CDHR3: variants seen among roughly 807,000 people sequenced by gnomAD.
CDHR3 encodes the protein cadherin-related family member 3.
A neutral mutation model predicts 86.6 loss-of-function variants in CDHR3; 79 were observed. That is an observed-to-expected ratio of 0.91 (90% CI 0.76 to 1.10). The LOEUF is 1.10. CDHR3 is among the 50% of genes least tolerant of loss of function. The probability of loss-of-function intolerance (pLI) is 0.00; values close to 1 mark genes in which losing one functional copy is unlikely to be tolerated. For synonymous variants in CDHR3, 421 were observed against 402.4 expected (o/e 1.05, Z -0.55); for missense variants, 1,081 against 1,077.6 (o/e 1.00, Z -0.04).
At chr7:106,020,832 A>G (rs964022401) in intron 13 of CDHR3, among the ~76,000 whole-genome samples, 20 of 152,156 alleles carry the variant, frequency 1.3e-4, no homozygotes, top group African/African-American at 4.6e-4. Context: ...CACAAAATCT[A>G]GCAGCCCCTA....
intron 14 of CDHR3, 89 bp from the exon 15 acceptor site, chr7:106,024,290 AAG>A: frequency 8.9e-7 from 1 of 1,120,788 alleles, no homozygotes; most frequent in Non-Finnish European, 1.3e-6. Context: ...AACAATAACA[AAG>A]AGTGGAATAA....
intron 11 of CDHR3, 31 bp from the exon 12 acceptor site, chr7:106,017,814 CA>C (rs1395530738): frequency 6.6e-7 from 1 of 1,514,136 alleles, no homozygotes; most frequent in Non-Finnish European, 9.0e-7. Context: ...CCCTTAAAAG[CA>C]GGACTTATTG....
At chr7:106,013,370 A>G (rs774636390) in intron 9 of CDHR3, among the ~76,000 whole-genome samples, 1 of 152,138 alleles carries the variant, frequency 6.6e-6, no homozygotes, top group Non-Finnish European at 1.5e-5. Flanking sequence ...TTCCCGGCCC[A>G]TAGAGCTGTG....
At chr7:106,028,928 C>CTTTCTTTT (rs774560321) in intron 17 of CDHR3, among the ~76,000 whole-genome samples, 1 of 109,836 alleles carries the variant, frequency 9.1e-6, no homozygotes, top group African/African-American at 3.7e-5. Flanking sequence ...TTCTTTCTTT[C>CTTTCTTTT]TTTCTTTCTT....
intron 2 of CDHR3, among the ~76,000 whole-genome samples, chr7:105,977,688 C>A (rs917612743): frequency 1.3e-5 from 2 of 152,212 alleles, no homozygotes; most frequent in African/African-American, 4.8e-5. Context: ...CTCCTGCAGC[C>A]TTCCAGACAT....
intron 2 of CDHR3, among the ~76,000 whole-genome samples, chr7:105,980,476 G>A (rs970932150): frequency 1.2e-4 from 18 of 151,428 alleles, no homozygotes; most frequent in Non-Finnish European, 1.9e-4. Flanking sequence ...ACAACGTGCA[G>A]GTTTGTTACA....
chr7:106,004,611 G>A lies in CDHR3; in HGVS notation c.976G>A (p.Glu326Lys). The A allele has an allele frequency of 1.2e-6, 2 of 1,614,016 alleles. No individual in the cohort carries two copies. Among genetic ancestry groups the A allele is most frequent in the South Asian group, 1.1e-5 (1 of 91,078 alleles). The change falls in exon 8 of 19, where the codon GAG becomes AAG. Residue 326 changes from glutamate (E) to lysine (K), a missense_variant. Coordinates refer to ENST00000317716, the MANE Select transcript of CDHR3 (RefSeq NM_152750.5). ...LVKDRPYGGQENRIQITFIVE... is the reference protein window; with the variant it reads ...LVKDRPYGGQKNRIQITFIVE... ...GAAGGACAGACCATATGGGGGTCAG[G>A]AGAATCGCATCCAGATAACCTTCAT...
intron 7 of CDHR3, among the ~76,000 whole-genome samples, chr7:106,003,621 G>A (rs563717357): frequency 2.6e-5 from 4 of 152,148 alleles, no homozygotes; most frequent in African/African-American, 9.6e-5. Context: ...CTGATTCCTC[G>A]GGCCTGTCCT....
intron 8 of CDHR3, among the ~76,000 whole-genome samples, chr7:106,008,695 C>A (rs2115822665): frequency 6.6e-6 from 1 of 152,240 alleles, no homozygotes; most frequent in South Asian, 2.1e-4. Context: ...TGAGAGATGT[C>A]TGGGCCCAGG....
chr7:105,994,505 T>C (rs1831876161), intron 4 of CDHR3, among the ~76,000 whole-genome samples: 1 of 152,184 alleles, frequency 6.6e-6, no homozygotes, highest in South Asian at 2.1e-4. Flanking sequence ...ATATGCTTTC[T>C]GTAGTTAGAA....
At position 105,974,919 on chromosome 7, in the gene CDHR3, T is replaced by C; in HGVS notation, c.122T>C (p.Val41Ala). ...GAGAATTCTCCACCTGGGACTTCAG[T>C]GCACAAGTTTTCTGTGAAGTTATCA... ...VAENSPPGTS[V>A]HKFSVKLSAS... Residue 41 changes from valine to alanine, a missense_variant, in exon 2 of 19, where the codon GTG becomes GCG. Transcript: ENST00000317716. The C allele has an allele frequency of 1.1e-5, 17 of 1,613,922 alleles. No homozygotes were observed. The highest frequency in any genetic ancestry group is 1.3e-5 in the Non-Finnish European group (15 of 1,179,800).
In CDHR3 at chr7:106,030,031, G is replaced by A. The variant is rs544667855; in HGVS notation, c.2305-761G>A. The stretch of plus-strand genomic sequence containing the variant: ...GAGTTGGGGAGTTGTGGGGAACTAG[G>A]TAGGGGATCCTTTAAGTGATAAAAA... On this transcript the variant is annotated intron_variant, in intron 17 of 18. Transcript: ENST00000317716. The surrounding 1 kb of genome is among the most constrained non-coding windows in gnomAD (Gnocchi z 4.8). Among the ~76,000 whole-genome samples, 3 of 152,306 alleles carry A rather than the reference G, an allele frequency of 2.0e-5. No individual in the cohort carries two copies. In the South Asian group the frequency reaches 6.2e-4, roughly 32 times the overall value.
chr7:106,021,994 AAG>A (rs1836638639), intron 13 of CDHR3, among the ~76,000 whole-genome samples: 1 of 152,190 alleles, frequency 6.6e-6, no homozygotes, highest in South Asian at 2.1e-4. Flanking sequence ...GGTTGTGAGC[AAG>A]AGTTTCTTTG....
rs371482611 is a variant in CDHR3 at position 106,022,325 on chromosome 7, C to T, written c.1953C>T (p.Tyr651=). 8.7e-6 allele frequency: 14 copies of T among 1,613,906 alleles called. No homozygotes were observed. Among genetic ancestry groups the T allele is most frequent in the East Asian group, 2.2e-5 (1 of 44,898 alleles). ...DKIWDYKLLV[Y]VTDDNLMSDR... is the part of the protein sequence containing the mutation. ...TCTGGGACTACAAGCTACTTGTCTA[C>T]GTAACTGATGACAACTTGATGTCTG... The change falls in exon 14 of 19, where the codon TAC becomes TAT. Residue 651 remains tyrosine (Y), a synonymous_variant. Transcript: ENST00000317716.
At chr7:106,028,359 A>T (rs1837699642) in intron 16 of CDHR3, 192 bp from the exon 17 acceptor site, 1 of 674,942 alleles carries the variant, frequency 1.5e-6, no homozygotes, top group Admixed American at 2.2e-5. Flanking sequence ...GTGTGTATAC[A>T]TATGTGTACG....
At chr7:105,981,824 G>A (rs1366305173) in intron 3 of CDHR3, among the ~76,000 whole-genome samples, 1 of 151,972 alleles carries the variant, frequency 6.6e-6, no homozygotes. Context: ...TCCCATTTTG[G>A]TTAGCAGTAA....
chr7:106,004,736 C>T, intron 8 of CDHR3, 49 bp downstream of exon 8: 1 of 1,564,946 alleles, frequency 6.4e-7, no homozygotes, highest in East Asian at 2.2e-5. Flanking sequence ...CTTTGGTGGC[C>T]CTCTGCCCTT....
intron 2 of CDHR3, among the ~76,000 whole-genome samples, chr7:105,980,756 G>A (rs748857183): frequency 1.1e-4 from 16 of 151,790 alleles, no homozygotes; most frequent in East Asian, 3.9e-4. Context: ...CCTAGGAAAC[G>A]CAGCATCACA....
intron 2 of CDHR3, among the ~76,000 whole-genome samples, chr7:105,980,606 AATTTT>A (rs1563238814): frequency 1.7e-4 from 5 of 30,102 alleles, no homozygotes; most frequent in Non-Finnish European, 2.7e-4. Flanking sequence ...TTTTTTTTTT[AATTTT>A]TTTTTTTTTT....
Sources: allele counts gnomAD v4.1 joint callset (sites outside exome capture counted in the v4.1 genomes callset), GRCh38; gene constraint gnomAD v4.1.1; non-coding constraint Gnocchi (gnomAD v3.1); transcripts MANE v1.5; gene names NCBI Gene and HGNC (gene_info 2026-07-23, HGNC 2026-07-21).